KCNJ6: variants seen among roughly 807,000 people sequenced by gnomAD.
KCNJ6 encodes the protein potassium inwardly rectifying channel subfamily J member 6.
In KCNJ6, 9 loss-of-function variants were observed where a neutral mutation model predicts 34.2. The ratio of observed to expected loss-of-function variants is 0.26; its 90% confidence interval spans 0.16 to 0.46. The LOEUF is 0.46. Ranked by LOEUF, KCNJ6 falls within the 20% of genes least tolerant of loss-of-function variation. The pLI is 1.00. For missense variants in KCNJ6, 236 were observed against 531.3 expected, an observed-to-expected ratio of 0.44 and a Z score of 5.46; for synonymous variants, 196 against 207.1, an observed-to-expected ratio of 0.95 and a Z score of 0.46.
chr21:37,647,273 TCTTA>T (rs955208369), intron 3 of KCNJ6, among the ~76,000 whole-genome samples: 9 of 152,234 alleles, frequency 5.9e-5, no homozygotes, highest in African/African-American at 2.2e-4. Flanking sequence ...GGTTTTTTGG[TCTTA>T]CTTCTAAGAG....
chr21:37,865,224 G>C (rs2055616670), intron 1 of KCNJ6, among the ~76,000 whole-genome samples: 1 of 152,168 alleles, frequency 6.6e-6, no homozygotes, highest in African/African-American at 2.4e-5. Flanking sequence ...GTGTGTGTCT[G>C]GTGGAAAGAG....
chr21:37,699,554 C>T (rs567152053), intron 3 of KCNJ6, among the ~76,000 whole-genome samples: 5 of 152,266 alleles, frequency 3.3e-5, no homozygotes, highest in Admixed American at 1.3e-4. Flanking sequence ...CCAGGGAAAT[C>T]GGATAACATC....
At chr21:37,755,702 C>T (rs1013219231) in intron 2 of KCNJ6, among the ~76,000 whole-genome samples, 1 of 152,196 alleles carries the variant, frequency 6.6e-6, no homozygotes, top group East Asian at 1.9e-4. Flanking sequence ...GCCTTGAGCT[C>T]CTGACCCTAT....
chr21:37,785,326 T>G lies in KCNJ6; in HGVS notation c.25+55332A>C, dbSNP rs78003931. Among the ~76,000 whole-genome samples, 1,328 of 152,332 alleles carry G rather than the reference T, an allele frequency of 8.7e-3. 21 individuals are homozygous for G. The highest frequency in any genetic ancestry group is 0.031 in the African/African-American group (1,276 of 41,578). ...TTATAAAAGATGTTCAAAACTCATT[T>G]AAAAGAAGATTTTAGACAAGCACTG... On this transcript the variant is annotated intron_variant, in intron 2 of 3. Coordinates refer to ENST00000609713, the MANE Select transcript of KCNJ6 (RefSeq NM_002240.5).
At chr21:37,799,125 A>G (rs896537023) in intron 2 of KCNJ6, among the ~76,000 whole-genome samples, 4 of 152,096 alleles carry the variant, frequency 2.6e-5, no homozygotes, top group African/African-American at 9.7e-5. Context: ...CTACATGTCC[A>G]TGCATTCTCT....
At position 37,607,444 on chromosome 21, in the gene KCNJ6, AAC is replaced by A. The variant is rs1363372348; in HGVS notation, c.*17713_*17714del. 1.4e-5 allele frequency: 2 copies of A among 143,996 alleles called. No homozygotes were observed. Among genetic ancestry groups the A allele is most frequent in the African/African-American group, 5.2e-5 (2 of 38,422 alleles). The allele number at this position is 143,996 out of a possible 1,614,324, so 8.9% of individuals were successfully genotyped here. On this transcript the variant is annotated 3_prime_UTR_variant, in exon 4 of 4. Coordinates refer to ENST00000609713, the MANE Select transcript of KCNJ6 (RefSeq NM_002240.5). ...ACCTCAATATGTAAACAGTTTCCCT[AAC>A]ACAGCGAGTTCTTAAAGATATATAT...
chr21:37,672,454 G>A (rs1311876831), intron 3 of KCNJ6, among the ~76,000 whole-genome samples: 7 of 152,096 alleles, frequency 4.6e-5, no homozygotes, highest in Non-Finnish European at 7.4e-5. Context: ...TCATCTCAGC[G>A]CCTAGGAACC....
At chr21:37,774,499 C>T (rs368787354) in intron 2 of KCNJ6, among the ~76,000 whole-genome samples, 6 of 151,912 alleles carry the variant, frequency 3.9e-5, no homozygotes, top group South Asian at 2.1e-4. Flanking sequence ...TCCCTCCCCC[C>T]CTCCCCCTAC....
At chr21:37,873,492 T>C (rs1313713104) in intron 1 of KCNJ6, among the ~76,000 whole-genome samples, 1 of 152,172 alleles carries the variant, frequency 6.6e-6, no homozygotes, top group Non-Finnish European at 1.5e-5. Context: ...TCCATTGACC[T>C]GATCTCTTAA....
intron 1 of KCNJ6, among the ~76,000 whole-genome samples, chr21:37,862,041 G>A (rs73208119): frequency 0.082 from 12,456 of 152,242 alleles, 634 homozygotes; most frequent in Middle Eastern, 0.13. Context: ...TGTCTATCTC[G>A]TTCCTTGGCC....
intron 3 of KCNJ6, among the ~76,000 whole-genome samples, chr21:37,692,786 G>A (rs1246328501): frequency 2.6e-5 from 4 of 152,102 alleles, no homozygotes; most frequent in Non-Finnish European, 4.4e-5. Context: ...ATTACTCAGC[G>A]ATCTGCCAAG....
At chr21:37,910,891 G>C (rs1191171894) in intron 1 of KCNJ6, among the ~76,000 whole-genome samples, 1 of 152,148 alleles carries the variant, frequency 6.6e-6, no homozygotes, top group Non-Finnish European at 1.5e-5. Context: ...ATGACCATTT[G>C]AACATTGCAC....
chr21:37,860,169 T>C (rs1478634463), intron 1 of KCNJ6, among the ~76,000 whole-genome samples: 1 of 152,160 alleles, frequency 6.6e-6, no homozygotes, highest in African/African-American at 2.4e-5. Context: ...GGTCCTACAC[T>C]GATTCCTTTT....
chr21:37,726,366 C>A (rs1157589433), intron 2 of KCNJ6, among the ~76,000 whole-genome samples: 2 of 152,146 alleles, frequency 1.3e-5, no homozygotes, highest in East Asian at 1.9e-4. Flanking sequence ...AAGGTACATT[C>A]CAGGAGTGTA....
In KCNJ6 at chr21:37,611,565, A is replaced by G. The variant is rs1481354162; in HGVS notation, c.*13594T>C. The stretch of plus-strand genomic sequence containing the variant: ...AGAAAACTACAGACCAATACCTGTC[A>G]TAAGCATAGATGCAGAAATCCTCAA... On this transcript the variant is annotated 3_prime_UTR_variant, in exon 4 of 4. Coordinates refer to ENST00000609713, the MANE Select transcript of KCNJ6 (RefSeq NM_002240.5). 1 of 152,254 alleles carries G rather than the reference A, an allele frequency of 6.6e-6. No homozygotes were observed. The highest frequency in any genetic ancestry group is 6.5e-5 in the Admixed American group (1 of 15,292). The allele number at this position is 152,254 out of a possible 1,614,324, so 9.4% of individuals were successfully genotyped here. A position where few individuals can be genotyped will look rare whatever the true frequency, so the allele number is the denominator to read the frequency against.
intron 2 of KCNJ6, among the ~76,000 whole-genome samples, chr21:37,821,695 T>C (rs556505869): frequency 1.3e-5 from 2 of 152,332 alleles, no homozygotes; most frequent in East Asian, 3.9e-4. Context: ...TATTTCTTTA[T>C]CACTTTCTCA....
At chr21:37,680,093 G>A (rs1419049724) in intron 3 of KCNJ6, among the ~76,000 whole-genome samples, 2 of 152,160 alleles carry the variant, frequency 1.3e-5, no homozygotes, top group Non-Finnish European at 2.9e-5. Context: ...ACAAAAGTGA[G>A]ATTTATAGAT....
intron 1 of KCNJ6, among the ~76,000 whole-genome samples, chr21:37,880,207 GGA>G (rs2055700794): frequency 6.6e-6 from 1 of 152,246 alleles, no homozygotes; most frequent in Admixed American, 6.5e-5. Flanking sequence ...AACCCAGGAG[GGA>G]GAGGTTGCAG....
intron 1 of KCNJ6, among the ~76,000 whole-genome samples, chr21:37,892,233 T>C (rs2055765903): frequency 6.6e-6 from 1 of 152,142 alleles, no homozygotes; most frequent in Non-Finnish European, 1.5e-5. Flanking sequence ...GTTGAATCAT[T>C]TCAGGTCAAA....
Sources: allele counts gnomAD v4.1 joint callset (sites outside exome capture counted in the v4.1 genomes callset), GRCh38; gene constraint gnomAD v4.1.1; transcripts MANE v1.5; gene names NCBI Gene and HGNC (gene_info 2026-07-23, HGNC 2026-07-21).